Variants in SGSM2 observed in about 807,000 individuals in gnomAD.
SGSM2 encodes the protein small G protein signaling modulator 2.
In SGSM2, 89 loss-of-function variants were observed where a neutral mutation model predicts 126.6. The ratio of observed to expected loss-of-function variants is 0.70; its 90% CI spans 0.59 to 0.84. SGSM2 has a LOEUF of 0.84. Among genes scored for constraint, SGSM2 ranks in the 40% least tolerant of loss-of-function variants. The pLI is 0.00. For synonymous variants in SGSM2, 614 were observed against 574.3 expected (o/e 1.07, Z -0.99); for missense variants, 1,404 against 1,416.6 (o/e 0.99, Z 0.14).
chr17:2,376,737 G>C lies in SGSM2; in HGVS notation c.2614G>C (p.Val872Leu), dbSNP rs573820277. 1 of 1,614,004 alleles carries C rather than the reference G, an allele frequency of 6.2e-7. No individual in the cohort carries two copies. ...GACTCTCCCCCTGCCTTTCAGCTAC[G>C]TGTGGGAGCACCTGGACGTGGGCTA... ...ERLRDVMCSYVWEHLDVGYVQ... is the reference protein window; with the variant it reads ...ERLRDVMCSYLWEHLDVGYVQ... The change falls in exon 20 of 24, where the codon GTG (valine) becomes CTG (leucine). Residue 872 changes from valine (V) to leucine (L), a missense_variant. Transcript: ENST00000268989.
At chr17:2,378,305 G>A (rs1390070046) in intron 22 of SGSM2, among the ~76,000 whole-genome samples, 3 of 152,146 alleles carry the variant, frequency 2.0e-5, no homozygotes, top group African/African-American at 7.2e-5. Flanking sequence ...GCTGGGTGCG[G>A]TGGCTCATGC....
chr17:2,364,669 C>A lies in SGSM2; in HGVS notation c.1000+6C>A. ...CATCCACTGCCACCAGCAAAGTAAG[C>A]CTGCCTTGTCCTCGGCTCGGGTGGG... On this transcript the variant is annotated splice_donor_region_variant and intron_variant, in intron 9 of 23. Coordinates refer to ENST00000268989, the MANE Select transcript of SGSM2 (RefSeq NM_014853.3). 2 of 1,614,170 alleles carry A rather than the reference C, an allele frequency of 1.2e-6. No individual in the cohort carries two copies. Among genetic ancestry groups the A allele is most frequent in the Non-Finnish European group, 1.7e-6 (2 of 1,180,002 alleles).
At chr17:2,378,985 C>T in intron 22 of SGSM2, 51 bp from the exon 23 acceptor site, 4 of 1,571,336 alleles carry the variant, frequency 2.5e-6, no homozygotes, top group Non-Finnish European at 3.5e-6. Flanking sequence ...CCAGCCTCAG[C>T]CCCAGATATG....
chr17:2,369,766 C>T (rs942746009), intron 12 of SGSM2, among the ~76,000 whole-genome samples: 8 of 151,678 alleles, frequency 5.3e-5, no homozygotes, highest in Non-Finnish European at 1.2e-4. Context: ...CCCGGCTCCT[C>T]CCGGGACTGT....
intron 22 of SGSM2, among the ~76,000 whole-genome samples, chr17:2,378,347 A>G (rs569281826): frequency 6.6e-6 from 1 of 152,250 alleles, no homozygotes; most frequent in East Asian, 1.9e-4. Flanking sequence ...AGGCCAAGGC[A>G]AGCAAATCAC....
intron 12 of SGSM2, among the ~76,000 whole-genome samples, chr17:2,368,511 C>T (rs2065701263): frequency 6.6e-6 from 1 of 152,216 alleles, no homozygotes; most frequent in Non-Finnish European, 1.5e-5. Context: ...CAAAGTTCTG[C>T]CGGGAAGCCC....
At chr17:2,339,166 G>A (rs1056087302) in intron 1 of SGSM2, among the ~76,000 whole-genome samples, 1 of 152,078 alleles carries the variant, frequency 6.6e-6, no homozygotes, top group Non-Finnish European at 1.5e-5. Context: ...GGTGGCTTAC[G>A]CCTGTAATCC....
chr17:2,337,777 G>T lies in SGSM2; in HGVS notation c.57+32G>T, dbSNP rs778147386. On this transcript the variant is annotated intron_variant, in intron 1 of 23. Coordinates refer to ENST00000268989, the MANE Select transcript of SGSM2 (RefSeq NM_014853.3). This position sits in a 1 kb window ranked among gnomAD's most constrained non-coding sequence, Gnocchi z 5.1. ...TCGAGTCAAGAACCCCGGGGGGCTC[G>T]CGCCCTGGCCCGCGCGGCCCAGGGG... 7.4e-6 allele frequency: 11 copies of T among 1,492,874 alleles called. No homozygotes were observed. The highest frequency in any genetic ancestry group is 9.9e-6 in the Non-Finnish European group (11 of 1,113,068). The allele number at this position is 1,492,874 out of a possible 1,614,324, so 92.5% of individuals were successfully genotyped here.
At position 2,363,265 on chromosome 17, in the gene SGSM2, TCTC is replaced by T; in HGVS notation, c.672+133_672+135del. The T allele has an allele frequency of 1.1e-5, 15 of 1,340,884 alleles. No homozygotes were observed. The highest frequency in any genetic ancestry group is 1.4e-5 in the Non-Finnish European group (14 of 1,000,528). 83.1% of individuals were successfully genotyped at this position (1,340,884 alleles called of 1,614,324 possible). ...GGTAGCGGCTGCCTCAGAAGAGCCT[TCTC>T]CGCACAATAAAACTTAACACAAATG... On this transcript the variant is annotated intron_variant, in intron 6 of 23. Transcript: ENST00000268989. This position sits in a 1 kb window ranked among gnomAD's most constrained non-coding sequence, Gnocchi z 4.2.
chr17:2,354,699 C>T (rs2447108), intron 2 of SGSM2, among the ~76,000 whole-genome samples: 66,975 of 152,096 alleles, frequency 0.44, 15,099 homozygotes, highest in East Asian at 0.64. Context: ...TGCGTCTATA[C>T]GGGTTGCAGC....
intron 1 of SGSM2, among the ~76,000 whole-genome samples, chr17:2,338,634 A>G (rs1030480904): frequency 4.4e-4 from 67 of 152,148 alleles, no homozygotes; most frequent in African/African-American, 1.5e-3. Flanking sequence ...AGTGCCTGGC[A>G]TACTGTAGGC....
chr17:2,338,156 C>T (rs1176992354), intron 1 of SGSM2, among the ~76,000 whole-genome samples: 1 of 152,096 alleles, frequency 6.6e-6, no homozygotes, highest in East Asian at 1.9e-4. Flanking sequence ...CCGAGCTTCC[C>T]CACGTCCTAA....
rs143912778 is a variant in SGSM2 at position 2,376,207 on chromosome 17, A to G, written c.2555A>G (p.Asn852Ser). 5.0e-4 allele frequency: 804 copies of G among 1,613,880 alleles called. 1 individual carries two copies. Among genetic ancestry groups the G allele is most frequent in the Non-Finnish European group, 4.6e-4 (541 of 1,179,998 alleles). ...IDKDVQRCDRNYWYFTPPNLE... is the reference protein window; with the variant it reads ...IDKDVQRCDRSYWYFTPPNLE... ...AAGGATGTGCAGAGGTGTGACCGCA[A>G]CTACTGGTACTTCACGCCCCCCAAC... Residue 852 changes from asparagine (N) to serine (S), a missense_variant, in exon 19 of 24, where the codon AAC becomes AGC. By Grantham distance (46) the Asn-to-Ser change is conservative. Transcript: ENST00000268989.
chr17:2,373,364 G>A lies in SGSM2; in HGVS notation c.1951G>A (p.Val651Met), dbSNP rs1421592596. The A allele has an allele frequency of 6.2e-7, 1 of 1,613,104 alleles. No homozygotes were observed. The highest frequency in any genetic ancestry group is 8.5e-7 in the Non-Finnish European group (1 of 1,179,970). ...AGTGGTGGCAGCAAGGTACCAGCAG[G>A]TGTTGGCAGAGTGGAAGGCCTGCGA... ...DAVVAARYQQ[V>M]LAEWKACEVV... The change falls in exon 17 of 24, where the codon GTG becomes ATG. Residue 651 changes from valine to methionine, a missense_variant. Val to Met is a conservative substitution (Grantham distance 21, BLOSUM62 1). Transcript: ENST00000268989.
intron 11 of SGSM2, 41 bp downstream of exon 11, chr17:2,365,382 C>G (rs368746139): frequency 1.3e-6 from 2 of 1,499,652 alleles, no homozygotes; most frequent in East Asian, 5.0e-5. Context: ...GAGAGGAAGA[C>G]GCTCTGGGAG....
rs1004166882 is a variant in SGSM2 at position 2,371,312 on chromosome 17, T to G, written c.1474T>G (p.Trp492Gly). 6 of 1,612,428 alleles carry G rather than the reference T, an allele frequency of 3.7e-6. No homozygotes were observed. The highest frequency in any genetic ancestry group is 5.1e-6 in the Non-Finnish European group (6 of 1,179,908). Reference sequence around the variant, plus strand: ...GGGCTTTGGGCCCAGCCTGCCAGCCTGGCACCTGGAGCCCCTGTGCAGTCA... The same window carrying G: ...GGGCTTTGGGCCCAGCCTGCCAGCCGGGCACCTGGAGCCCCTGTGCAGTCA... ...MQGFGPSLPA[W>G]HLEPLCSQGS... The change falls in exon 13 of 24, where the codon TGG becomes GGG. Residue 492 changes from tryptophan to glycine, a missense_variant. Transcript: ENST00000268989.
At chr17:2,354,383 T>C (rs1312284262) in intron 2 of SGSM2, among the ~76,000 whole-genome samples, 2 of 152,224 alleles carry the variant, frequency 1.3e-5, no homozygotes, top group African/African-American at 4.8e-5. Flanking sequence ...TTGTATTCTT[T>C]GTTCACACCT....
rs1464409870 is a variant in SGSM2 at position 2,379,524 on chromosome 17, G to A, written c.*4G>A. 3.1e-6 allele frequency: 5 copies of A among 1,609,068 alleles called. No individual in the cohort carries two copies. In the Admixed American group the frequency reaches 6.7e-5, roughly 21 times the overall value. On this transcript the variant is annotated 3_prime_UTR_variant, in exon 24 of 24. Coordinates refer to ENST00000268989, the MANE Select transcript of SGSM2 (RefSeq NM_014853.3). ...GATGCTCATAGAGAACAAGTGAGCT[G>A]GGGCCAGGAGGCAGCAGCCGTGCAG...
At chr17:2,368,130 G>C (rs1244636644) in intron 12 of SGSM2, among the ~76,000 whole-genome samples, 4 of 152,216 alleles carry the variant, frequency 2.6e-5, no homozygotes, top group Non-Finnish European at 5.9e-5. Flanking sequence ...AGGGATATAA[G>C]ACAGATGTGT....
Sources: allele counts gnomAD v4.1 joint callset (sites outside exome capture counted in the v4.1 genomes callset), GRCh38; gene constraint gnomAD v4.1.1; non-coding constraint Gnocchi (gnomAD v3.1); transcripts MANE v1.5; gene names NCBI Gene and HGNC (gene_info 2026-07-23, HGNC 2026-07-21).